Variants in ASCC3 observed in about 807,000 individuals in gnomAD.
ASCC3 encodes activating signal cointegrator 1 complex subunit 3.
In ASCC3, 158 loss-of-function variants were observed where a neutral mutation model predicts 256.3. The ratio of observed to expected loss-of-function variants is 0.62; its 90% CI spans 0.54 to 0.70. The LOEUF is 0.70. ASCC3 is among the 30% of genes least tolerant of loss of function. The pLI is 0.00. For synonymous variants in ASCC3, 948 were observed against 883.4 expected (o/e 1.07, Z -1.30); for missense variants, 2,259 against 2,626.0 (o/e 0.86, Z 3.05).
At chr6:100,556,305 A>C (rs1236771336) in intron 36 of ASCC3, among the ~76,000 whole-genome samples, 1 of 152,226 alleles carries the variant, frequency 6.6e-6, no homozygotes, top group East Asian at 1.9e-4. Flanking sequence ...CCAATATATA[A>C]GAAATACCAT....
chr6:100,804,443 C>T (rs1019258274), intron 5 of ASCC3, among the ~76,000 whole-genome samples: 8 of 152,052 alleles, frequency 5.3e-5, no homozygotes, highest in African/African-American at 1.7e-4. Context: ...TATGCAGAAG[C>T]TCTTCAGTTT....
chr6:100,632,864 T>A (rs1243594814), intron 25 of ASCC3, among the ~76,000 whole-genome samples: 2 of 152,102 alleles, frequency 1.3e-5, no homozygotes, highest in Non-Finnish European at 2.9e-5. Context: ...TACAAAATTC[T>A]TAGAAGAAAA....
chr6:100,672,965 C>T (rs1423336325), intron 14 of ASCC3, among the ~76,000 whole-genome samples: 1 of 151,994 alleles, frequency 6.6e-6, no homozygotes, highest in Non-Finnish European at 1.5e-5. Flanking sequence ...CAGTTTAAGG[C>T]TCATGTGTAT....
At chr6:100,815,640 C>T (rs7740783) in intron 4 of ASCC3, among the ~76,000 whole-genome samples, 66,271 of 151,852 alleles carry the variant, frequency 0.44, 15,202 homozygotes, top group Middle Eastern at 0.56. Context: ...ATCTTTGACA[C>T]AGCCAACAAA....
intron 10 of ASCC3, among the ~76,000 whole-genome samples, chr6:100,735,517 T>C (rs2115058371): frequency 6.6e-6 from 1 of 152,304 alleles, no homozygotes; most frequent in Middle Eastern, 3.4e-3. Context: ...CAGTAAAATT[T>C]CTATTATCAG....
chr6:100,823,297 A>G (rs1365753731), intron 4 of ASCC3, among the ~76,000 whole-genome samples: 2 of 152,222 alleles, frequency 1.3e-5, no homozygotes, highest in African/African-American at 2.4e-5. Flanking sequence ...TCACTGCTCT[A>G]CGCACAGATA....
intron 38 of ASCC3, among the ~76,000 whole-genome samples, chr6:100,517,119 C>T (rs575884303): frequency 6.6e-6 from 1 of 152,180 alleles, no homozygotes; most frequent in Non-Finnish European, 1.5e-5. Flanking sequence ...AGGGACATCC[C>T]ATGGTAAGAA....
At chr6:100,554,783 G>A (rs2062635) in intron 36 of ASCC3, among the ~76,000 whole-genome samples, 62,855 of 151,764 alleles carry the variant, frequency 0.41, 13,547 homozygotes, top group South Asian at 0.62. Context: ...ACAATCTGGC[G>A]TTTACCACAC....
intron 13 of ASCC3, among the ~76,000 whole-genome samples, chr6:100,684,766 G>T (rs942544293): frequency 6.6e-6 from 1 of 151,022 alleles, no homozygotes; most frequent in African/African-American, 2.4e-5. Flanking sequence ...TAAAAAAATC[G>T]GTAGGAATAT....
intron 10 of ASCC3, among the ~76,000 whole-genome samples, chr6:100,756,718 C>T (rs1245067068): frequency 6.6e-6 from 1 of 151,988 alleles, no homozygotes; most frequent in African/African-American, 2.4e-5. Context: ...TATATCATTG[C>T]CTACACAGAA....
intron 30 of ASCC3, among the ~76,000 whole-genome samples, chr6:100,615,755 A>T (rs1042799196): frequency 6.6e-6 from 1 of 152,238 alleles, no homozygotes. Context: ...TAACTCAAGG[A>T]TACTGAATAG....
chr6:100,718,484 T>C (rs989948396), intron 11 of ASCC3, among the ~76,000 whole-genome samples: 3 of 151,542 alleles, frequency 2.0e-5, no homozygotes, highest in Non-Finnish European at 4.4e-5. Flanking sequence ...GAGGGGTGAG[T>C]GTGTTGGCTC....
At chr6:100,871,252 C>A (rs1262875760) in intron 1 of ASCC3, among the ~76,000 whole-genome samples, 4 of 152,028 alleles carry the variant, frequency 2.6e-5, no homozygotes, top group Non-Finnish European at 5.9e-5. Context: ...CGCACCACCA[C>A]GCCCGGCTAA....
chr6:100,531,483 T>G (rs1774869520), intron 37 of ASCC3, among the ~76,000 whole-genome samples: 1 of 152,154 alleles, frequency 6.6e-6, no homozygotes, highest in African/African-American at 2.4e-5. Flanking sequence ...TTTGGGCTAG[T>G]TGCAAAGACT....
At chr6:100,571,770 T>C (rs1255822567) in intron 36 of ASCC3, among the ~76,000 whole-genome samples, 2 of 152,168 alleles carry the variant, frequency 1.3e-5, no homozygotes, top group Non-Finnish European at 2.9e-5. Context: ...ATAACTAAGC[T>C]TACATGATCA....
At chr6:100,632,482 AC>A (rs1371141292) in intron 25 of ASCC3, among the ~76,000 whole-genome samples, 2 of 152,156 alleles carry the variant, frequency 1.3e-5, no homozygotes, top group Non-Finnish European at 2.9e-5. Flanking sequence ...CCTAGAATTC[AC>A]AAGGAAGCAC....
At chr6:100,829,563 G>T (rs147633117) in intron 4 of ASCC3, among the ~76,000 whole-genome samples, 1,711 of 152,136 alleles carry the variant, frequency 0.011, 11 homozygotes, top group Non-Finnish European at 0.017. Context: ...TCCCGCTGGC[G>T]GCGCCTCTCC....
At chr6:100,812,028 T>A (rs1770495108) in intron 4 of ASCC3, among the ~76,000 whole-genome samples, 4 of 152,118 alleles carry the variant, frequency 2.6e-5, no homozygotes, top group African/African-American at 9.7e-5. Flanking sequence ...GCCAAAACCA[T>A]ACCAGGGTAA....
intron 30 of ASCC3, among the ~76,000 whole-genome samples, chr6:100,607,537 T>C (rs1195564026): frequency 1.3e-5 from 2 of 152,044 alleles, no homozygotes; most frequent in African/African-American, 2.4e-5. Context: ...TTCCAATTTA[T>C]GCTTTCTTAC....
Sources: allele counts gnomAD v4.1 joint callset (sites outside exome capture counted in the v4.1 genomes callset), GRCh38; gene constraint gnomAD v4.1.1; transcripts MANE v1.5; gene names NCBI Gene and HGNC (gene_info 2026-07-23, HGNC 2026-07-21).